The following PTPRD variants were observed in gnomAD, a reference collection of about 807,000 sequenced individuals.
The protein encoded by PTPRD is receptor-type tyrosine-protein phosphatase delta.
PTPRD carries 34 observed loss-of-function variants against 214.5 expected under a neutral mutation model. The ratio of observed to expected loss-of-function variants is 0.16; its 90% CI spans 0.12 to 0.21. PTPRD has a LOEUF of 0.21. PTPRD is among the 10% of genes least tolerant of loss of function. The pLI, the probability that PTPRD is intolerant of heterozygous loss-of-function variation, is 1.00. For missense variants in PTPRD, 2,545 were observed against 2,398.7 expected (o/e 1.06, Z -1.27); for synonymous variants, 1,128 against 845.7 (o/e 1.33, Z -5.79).
intron 2 of PTPRD, among the ~76,000 whole-genome samples, chr9:10,531,235 C>A (rs537001657): frequency 1.3e-5 from 2 of 152,216 alleles, no homozygotes; most frequent in African/African-American, 4.8e-5. Flanking sequence ...CAGGCATGAG[C>A]CACTATGCCC....
chr9:10,177,449 T>TA (rs35075915), intron 3 of PTPRD, among the ~76,000 whole-genome samples: 9,252 of 136,792 alleles, frequency 0.068, 340 homozygotes, highest in Admixed American at 0.11. Context: ...TAAAATGTTG[T>TA]AAAAAAAAAA....
chr9:10,262,627 T>C (rs1419707462), intron 3 of PTPRD, among the ~76,000 whole-genome samples: 1 of 152,220 alleles, frequency 6.6e-6, no homozygotes, highest in African/African-American at 2.4e-5. Context: ...CAGAAGATTC[T>C]GGATCAAATA....
chr9:9,725,185 G>A (rs781309050), intron 7 of PTPRD, among the ~76,000 whole-genome samples: 22 of 152,014 alleles, frequency 1.4e-4, no homozygotes, highest in South Asian at 4.1e-4. Context: ...AAATTCCCTC[G>A]TGTTCTGGGA....
intron 11 of PTPRD, among the ~76,000 whole-genome samples, chr9:8,832,688 G>C (rs1340287316): frequency 2.6e-5 from 4 of 152,010 alleles, no homozygotes; most frequent in African/African-American, 7.2e-5. Flanking sequence ...ACTTCACAAA[G>C]AGGATTATTT....
chr9:10,334,567 T>C (rs1297480536), intron 3 of PTPRD, among the ~76,000 whole-genome samples: 2 of 151,508 alleles, frequency 1.3e-5, no homozygotes, highest in African/African-American at 4.8e-5. Flanking sequence ...TCATAGATAA[T>C]ATTACGAGAA....
intron 11 of PTPRD, among the ~76,000 whole-genome samples, chr9:8,885,784 A>C (rs980518772): frequency 1.3e-5 from 2 of 152,086 alleles, no homozygotes; most frequent in African/African-American, 4.8e-5. Flanking sequence ...AGCGTGACCC[A>C]CCGTGCCCGG....
chr9:9,879,380 T>C (rs1012900088), intron 5 of PTPRD, among the ~76,000 whole-genome samples: 3 of 152,182 alleles, frequency 2.0e-5, no homozygotes, highest in Non-Finnish European at 2.9e-5. Context: ...CTAGGTAGAA[T>C]TGAATCTGCC....
chr9:9,480,039 A>G (rs2095335598), intron 8 of PTPRD, among the ~76,000 whole-genome samples: 2 of 152,186 alleles, frequency 1.3e-5, no homozygotes, highest in African/African-American at 4.8e-5. Context: ...ATGGCAAAAT[A>G]TCTGGGATCA....
chr9:9,018,821 T>C (rs1394910650), intron 10 of PTPRD, 86 bp from the exon 11 acceptor site: 1 of 152,206 alleles, frequency 6.6e-6, no homozygotes, highest in East Asian at 1.9e-4. Context: ...CATGTTTATA[T>C]TACTTAGCTA....
chr9:10,367,026 C>T (rs2097529420), intron 2 of PTPRD, among the ~76,000 whole-genome samples: 1 of 149,796 alleles, frequency 6.7e-6, no homozygotes, highest in South Asian at 2.1e-4. Context: ...AACTTGTGTA[C>T]TTTTCTGTAT....
chr9:8,675,755 C>A (rs1252051050), intron 12 of PTPRD, among the ~76,000 whole-genome samples: 1 of 152,114 alleles, frequency 6.6e-6, no homozygotes. Flanking sequence ...TCCACCCCTG[C>A]CGTCCCCACT....
intron 9 of PTPRD, among the ~76,000 whole-genome samples, chr9:9,248,958 G>A (rs1413997802): frequency 1.3e-5 from 2 of 152,038 alleles, no homozygotes; most frequent in Non-Finnish European, 1.5e-5. Flanking sequence ...AGTGTTATCA[G>A]ATCTTGCTTT....
At chr9:9,445,851 G>A (rs1008338757) in intron 8 of PTPRD, among the ~76,000 whole-genome samples, 2 of 152,022 alleles carry the variant, frequency 1.3e-5, no homozygotes, top group South Asian at 4.1e-4. Flanking sequence ...AAAGTATAGT[G>A]GTAATATTAC....
At chr9:8,944,274 G>T (rs1248307658) in intron 11 of PTPRD, among the ~76,000 whole-genome samples, 1 of 152,132 alleles carries the variant, frequency 6.6e-6, no homozygotes, top group Non-Finnish European at 1.5e-5. Context: ...AGGATGTGGA[G>T]AAAGGGGAAT....
intron 3 of PTPRD, among the ~76,000 whole-genome samples, chr9:10,184,290 T>C (rs1222496251): frequency 6.6e-6 from 1 of 152,088 alleles, no homozygotes; most frequent in African/African-American, 2.4e-5. Flanking sequence ...CCAGACGTGG[T>C]GGCATGCGCC....
intron 2 of PTPRD, among the ~76,000 whole-genome samples, chr9:10,488,419 C>T (rs2784626): frequency 0.28 from 42,275 of 149,628 alleles, 6,927 homozygotes; most frequent in African/African-American, 0.45. Flanking sequence ...GCCAGCATAG[C>T]ACTGTGTCTT....
Position 8,972,303 on chromosome 9 carries a change from T to C in PTPRD, c.-104+46394A>G, listed in dbSNP as rs148559492. On this transcript the variant is annotated intron_variant, in intron 11 of 45. Coordinates refer to ENST00000381196, the MANE Select transcript of PTPRD (RefSeq NM_002839.4). Reference sequence around the variant, plus strand: ...CTAAAGAAACTTTTCAATAACTCTATTAGACATGAATAAAATACAAAAGAA... The same window carrying C: ...CTAAAGAAACTTTTCAATAACTCTACTAGACATGAATAAAATACAAAAGAA... 4.6e-5 allele frequency among the ~76,000 whole-genome samples: 7 copies of C among 152,034 alleles called. No homozygotes were observed. The East Asian group carries it at 1.4e-3, about 29-fold the overall frequency.
intron 9 of PTPRD, among the ~76,000 whole-genome samples, chr9:9,205,320 T>G (rs188866082): frequency 6.6e-6 from 1 of 152,176 alleles, no homozygotes; most frequent in Non-Finnish European, 1.5e-5. Context: ...ACTGTAAATA[T>G]GAACTAAGTA....
At chr9:10,503,066 T>G (rs1412275673) in intron 2 of PTPRD, among the ~76,000 whole-genome samples, 1 of 151,808 alleles carries the variant, frequency 6.6e-6, no homozygotes. Context: ...CTTTTTGAAC[T>G]ATGGTTACCA....
Sources: allele counts gnomAD v4.1 joint callset (sites outside exome capture counted in the v4.1 genomes callset), GRCh38; gene constraint gnomAD v4.1.1; transcripts MANE v1.5; gene names NCBI Gene and HGNC (gene_info 2026-07-23, HGNC 2026-07-21).